The following INPP4B variants were observed in gnomAD, a reference collection of about 807,000 sequenced individuals.
INPP4B encodes inositol polyphosphate 4-phosphatase type II.
Under a neutral mutation model 122.5 loss-of-function variants are expected in INPP4B, and 55 were observed. The ratio of observed to expected loss-of-function variants is 0.45; its 90% CI spans 0.36 to 0.56. INPP4B has a LOEUF of 0.56. INPP4B is among the 20% of genes least tolerant of loss of function. The pLI is 0.00. For synonymous variants in INPP4B, 403 were observed against 388.7 expected, an observed-to-expected ratio of 1.04 and a Z score of -0.43; for missense variants, 1,000 against 1,097.7, an observed-to-expected ratio of 0.91 and a Z score of 1.26.
At chr4:142,606,421 T>C (rs962907856) in intron 2 of INPP4B, among the ~76,000 whole-genome samples, 4 of 151,782 alleles carry the variant, frequency 2.6e-5, no homozygotes, top group African/African-American at 9.7e-5. Context: ...CATAAAAAAA[T>C]AATAAGCAAC....
chr4:142,511,889 A>G (rs1035499022), intron 2 of INPP4B, among the ~76,000 whole-genome samples: 1 of 152,190 alleles, frequency 6.6e-6, no homozygotes, highest in Non-Finnish European at 1.5e-5. Context: ...ATGAGCTTTA[A>G]AGTTACTTCT....
At chr4:142,580,183 A>G (rs1031981527) in intron 2 of INPP4B, among the ~76,000 whole-genome samples, 16 of 151,678 alleles carry the variant, frequency 1.1e-4, no homozygotes, top group Admixed American at 9.9e-4. Flanking sequence ...CAGGACTAGA[A>G]GACTGGGTGG....
At chr4:142,379,831 G>C (rs1186864984) in intron 7 of INPP4B, among the ~76,000 whole-genome samples, 1 of 152,166 alleles carries the variant, frequency 6.6e-6, no homozygotes, top group Non-Finnish European at 1.5e-5. Context: ...CTGTGTAAGG[G>C]ATCACAACCA....
At chr4:142,514,858 C>T (rs1050315040) in intron 2 of INPP4B, among the ~76,000 whole-genome samples, 2 of 147,362 alleles carry the variant, frequency 1.4e-5, no homozygotes, top group South Asian at 2.1e-4. Context: ...TGCAGTGGCG[C>T]GATCCTGGCT....
At chr4:142,672,251 T>C (rs1757103944) in intron 2 of INPP4B, among the ~76,000 whole-genome samples, 2 of 152,168 alleles carry the variant, frequency 1.3e-5, no homozygotes, top group South Asian at 4.1e-4. Flanking sequence ...TTGTTTTCAG[T>C]GAATAGGAGA....
At chr4:142,658,757 T>C (rs1754616148) in intron 2 of INPP4B, among the ~76,000 whole-genome samples, 1 of 150,260 alleles carries the variant, frequency 6.7e-6, no homozygotes, top group African/African-American at 2.5e-5. Flanking sequence ...AAAAGCCCAG[T>C]GGGGAAACTG....
intron 17 of INPP4B, among the ~76,000 whole-genome samples, chr4:142,151,582 A>G (rs1380144683): frequency 6.6e-6 from 1 of 152,160 alleles, no homozygotes; most frequent in Non-Finnish European, 1.5e-5. Flanking sequence ...TCCCAGACCT[A>G]TATTATAGGC....
At chr4:142,539,081 T>TA (rs1440996718) in intron 2 of INPP4B, among the ~76,000 whole-genome samples, 306 of 149,484 alleles carry the variant, frequency 2.0e-3, no homozygotes, top group African/African-American at 7.1e-3. Context: ...AAATTGTTAT[T>TA]TTATATATAT....
chr4:142,576,125 T>C (rs570973605), intron 2 of INPP4B, among the ~76,000 whole-genome samples: 22 of 152,174 alleles, frequency 1.4e-4, no homozygotes, highest in African/African-American at 5.3e-4. Context: ...TTCATTTAAT[T>C]AGTAAATATT....
At chr4:142,742,643 TCAAAA>T (rs1049126036) in intron 1 of INPP4B, among the ~76,000 whole-genome samples, 1 of 151,672 alleles carries the variant, frequency 6.6e-6, no homozygotes, top group African/African-American at 2.4e-5. Context: ...TTCAGATGAA[TCAAAA>T]CAAAGTTTAC....
chr4:142,398,623 T>G (rs1291438666), intron 7 of INPP4B, among the ~76,000 whole-genome samples: 2 of 98,616 alleles, frequency 2.0e-5, no homozygotes, highest in Non-Finnish European at 5.1e-5. Flanking sequence ...TCAAGTGAAA[T>G]AAAAATAAAT....
chr4:142,308,464 A>T (rs1401945660), intron 8 of INPP4B, among the ~76,000 whole-genome samples: 2 of 152,136 alleles, frequency 1.3e-5, no homozygotes, highest in African/African-American at 4.8e-5. Flanking sequence ...AACAACAAAC[A>T]ATGGGATTGC....
At chr4:142,384,174 T>C (rs1382031450) in intron 7 of INPP4B, 1 of 700,960 alleles carries the variant, frequency 1.4e-6, no homozygotes, top group African/African-American at 1.7e-5. Flanking sequence ...CTAAAAATGT[T>C]CAAGAATTCC....
intron 11 of INPP4B, among the ~76,000 whole-genome samples, chr4:142,240,701 AC>A (rs953682941): frequency 4.6e-5 from 7 of 152,150 alleles, no homozygotes; most frequent in African/African-American, 1.7e-4. Context: ...ACCCAGTTTG[AC>A]CCAGCAGTGT....
intron 2 of INPP4B, among the ~76,000 whole-genome samples, chr4:142,505,240 TAAA>T (rs61333660): frequency 1.5e-5 from 2 of 134,422 alleles, no homozygotes; most frequent in Non-Finnish European, 1.6e-5. Context: ...CTCTGTCTAT[TAAA>T]AAAAAAAAAA....
At chr4:142,730,630 G>A (rs530997713) in intron 1 of INPP4B, among the ~76,000 whole-genome samples, 86 of 152,252 alleles carry the variant, frequency 5.6e-4, no homozygotes, top group Middle Eastern at 3.4e-3. Flanking sequence ...TGATTTTATC[G>A]TTCTTCTACC....
At chr4:142,259,747 A>G (rs1378707397) in intron 11 of INPP4B, among the ~76,000 whole-genome samples, 1 of 151,788 alleles carries the variant, frequency 6.6e-6, no homozygotes, top group African/African-American at 2.4e-5. Context: ...TTGTTTCCTT[A>G]TTCTATAACT....
In INPP4B at chr4:142,491,127, T is replaced by G. The variant is rs184040374; in HGVS notation, c.-190-28401A>C. Among the ~76,000 whole-genome samples the G allele has an allele frequency of 7.2e-3, 1,096 of 152,058 alleles. 16 individuals carry two copies. The highest frequency in any genetic ancestry group is 0.025 in the African/African-American group (1,034 of 41,358). On this transcript the variant is annotated intron_variant, in intron 2 of 25. Transcript: ENST00000262992. The stretch of plus-strand genomic sequence containing the variant: ...TAAGGTAGTTCTATTTTTAATTTTT[T>G]GGGGGCCCCCACACTGTTCTCTACA...
intron 3 of INPP4B, among the ~76,000 whole-genome samples, chr4:142,439,021 C>A (rs1048039833): frequency 1.3e-5 from 2 of 152,150 alleles, no homozygotes; most frequent in African/African-American, 4.8e-5. Flanking sequence ...ATGGGGTGCA[C>A]CACTCAGATG....
Sources: gnomAD v4.1 joint callset for allele counts (sites outside exome capture counted in the v4.1 genomes callset) on GRCh38, gnomAD v4.1.1 for gene constraint, MANE v1.5 for transcripts, NCBI Gene and HGNC (gene_info 2026-07-23, HGNC 2026-07-21) for gene names.